Variants in JMJD1C observed in about 807,000 individuals in gnomAD.
The protein encoded by JMJD1C is jumonji domain-containing protein 1C.
In JMJD1C, 31 loss-of-function variants were observed where a neutral mutation model predicts 245.3. That is an observed-to-expected ratio of 0.13 (90% CI 0.09 to 0.17). JMJD1C has a LOEUF of 0.17. Ranked by LOEUF, JMJD1C falls within the 10% of genes least tolerant of loss-of-function variation. The pLI, the probability that JMJD1C is intolerant of heterozygous loss-of-function variation, is 1.00. For synonymous variants in JMJD1C, 1,057 were observed against 1,017.4 expected (o/e 1.04, Z -0.74); for missense variants, 2,691 against 3,000.2 (o/e 0.90, Z 2.41).
intron 1 of JMJD1C, among the ~76,000 whole-genome samples, chr10:63,395,492 C>T (rs1432711833): frequency 1.3e-5 from 2 of 151,950 alleles, no homozygotes; most frequent in Non-Finnish European, 2.9e-5. Flanking sequence ...AAAAGAATGA[C>T]TAAAATTTTT....
intron 1 of JMJD1C, among the ~76,000 whole-genome samples, chr10:63,513,322 G>T (rs1189322653): frequency 1.3e-5 from 2 of 152,118 alleles, no homozygotes; most frequent in South Asian, 2.1e-4. Flanking sequence ...ATGGATTTAA[G>T]ACTTCAATGT....
At chr10:63,435,733 C>T (rs1258571767) in intron 1 of JMJD1C, among the ~76,000 whole-genome samples, 1 of 152,138 alleles carries the variant, frequency 6.6e-6, no homozygotes, top group Non-Finnish European at 1.5e-5. Context: ...AACACCATCT[C>T]TATTAAAAGT....
At chr10:63,466,871 T>A (rs1056533575), upstream of JMJD1C, among the ~76,000 whole-genome samples, 4 of 152,222 alleles carry the variant, frequency 2.6e-5, no homozygotes, top group African/African-American at 9.6e-5. Flanking sequence ...TCTTCTTTGA[T>A]CAACTTATTT....
chr10:63,492,872 TAC>T (rs1373382508), intron 1 of JMJD1C, among the ~76,000 whole-genome samples: 1 of 152,174 alleles, frequency 6.6e-6, no homozygotes, highest in Non-Finnish European at 1.5e-5. Flanking sequence ...AATAACCCAC[TAC>T]AGTTTTGTCT....
intron 3 of JMJD1C, among the ~76,000 whole-genome samples, chr10:63,254,496 A>T (rs915038666): frequency 1.3e-5 from 2 of 152,218 alleles, no homozygotes; most frequent in African/African-American, 2.4e-5. Flanking sequence ...TGGCTCACAA[A>T]GGCAGGCAGT....
At chr10:63,243,663 A>C (rs1851804285) in intron 3 of JMJD1C, among the ~76,000 whole-genome samples, 1 of 152,140 alleles carries the variant, frequency 6.6e-6, no homozygotes, top group Non-Finnish European at 1.5e-5. Context: ...ATTGATAAAA[A>C]ATACAAGTAC....
At chr10:63,299,306 C>T (rs1205793133) in intron 2 of JMJD1C, among the ~76,000 whole-genome samples, 1 of 151,934 alleles carries the variant, frequency 6.6e-6, no homozygotes, top group Non-Finnish European at 1.5e-5. Flanking sequence ...CTCAAGACTC[C>T]CAAGCATCTG....
intron 3 of JMJD1C, among the ~76,000 whole-genome samples, chr10:63,263,933 GAAAAAA>G (rs1225176795): frequency 3.2e-5 from 2 of 62,734 alleles, no homozygotes; most frequent in East Asian, 4.2e-4. Flanking sequence ...CTCCATCACG[GAAAAAA>G]AAAAAAAAAA....
At chr10:63,433,894 T>C (rs1287144228) in intron 1 of JMJD1C, among the ~76,000 whole-genome samples, 1 of 147,178 alleles carries the variant, frequency 6.8e-6, no homozygotes, top group Admixed American at 6.8e-5. Flanking sequence ...ACGATATAAA[T>C]TGAGTTCCAA....
At chr10:63,313,046 C>T (rs1939442482) in intron 2 of JMJD1C, among the ~76,000 whole-genome samples, 1 of 152,160 alleles carries the variant, frequency 6.6e-6, no homozygotes, top group African/African-American at 2.4e-5. Flanking sequence ...GCACTCACTA[C>T]ATGAGCAGCA....
intron 2 of JMJD1C, among the ~76,000 whole-genome samples, chr10:63,367,116 C>T (rs1200724061): frequency 6.6e-6 from 1 of 152,098 alleles, no homozygotes; most frequent in Non-Finnish European, 1.5e-5. Flanking sequence ...AATATTGAAG[C>T]CAAAACAAAG....
intron 1 of JMJD1C, among the ~76,000 whole-genome samples, chr10:63,407,011 A>C (rs1448834168): frequency 2.6e-5 from 4 of 152,182 alleles, no homozygotes; most frequent in Non-Finnish European, 5.9e-5. Context: ...AAAAAAAAAG[A>C]AGCTTAATCT....
chr10:63,251,782 G>A (rs1251426553), intron 3 of JMJD1C, among the ~76,000 whole-genome samples: 4 of 152,204 alleles, frequency 2.6e-5, no homozygotes, highest in Admixed American at 6.5e-5. Flanking sequence ...GGGTGGCTGA[G>A]GTGGGCGGAT....
At chr10:63,430,959 T>G (rs763134353) in intron 1 of JMJD1C, among the ~76,000 whole-genome samples, 2 of 152,258 alleles carry the variant, frequency 1.3e-5, no homozygotes, top group African/African-American at 4.8e-5. Flanking sequence ...CCTGGGTTCA[T>G]GCAATCCTCC....
In JMJD1C at chr10:63,295,723, C is replaced by T. The variant is rs7922069; in HGVS notation, c.334-30959G>A. ...TGATTCTTGTTATGCATGGTAGTTA[C>T]GCTCTGTAAAGCCCCTTTAAACAAT... On this transcript the variant is annotated intron_variant, in intron 2 of 25. Transcript: ENST00000399262. 2.6e-3 allele frequency among the ~76,000 whole-genome samples: 402 copies of T among 152,026 alleles called. 2 individuals carry two copies. The highest frequency in any genetic ancestry group is 9.1e-3 in the African/African-American group (376 of 41,492).
At chr10:63,413,680 G>C (rs1330743779) in intron 1 of JMJD1C, among the ~76,000 whole-genome samples, 1 of 152,060 alleles carries the variant, frequency 6.6e-6, no homozygotes, top group East Asian at 1.9e-4. Flanking sequence ...TCCTTGATAA[G>C]AAATACTAGA....
chr10:63,234,872 T>C (rs1850534545), intron 3 of JMJD1C, among the ~76,000 whole-genome samples: 1 of 152,284 alleles, frequency 6.6e-6, no homozygotes, highest in Admixed American at 6.5e-5. Flanking sequence ...AAACCTTTGC[T>C]AGTCATAAAA....
intron 24 of JMJD1C, among the ~76,000 whole-genome samples, chr10:63,170,916 A>C (rs1842288663): frequency 6.6e-6 from 1 of 152,216 alleles, no homozygotes; most frequent in Non-Finnish European, 1.5e-5. Context: ...CTTGCCTAAA[A>C]GCATCAGTTA....
At chr10:63,284,903 ACACATT>A (rs1185705765) in intron 2 of JMJD1C, among the ~76,000 whole-genome samples, 1 of 80,818 alleles carries the variant, frequency 1.2e-5, no homozygotes, top group East Asian at 4.2e-4. Flanking sequence ...ACACACACAC[ACACATT>A]CTCTCTACTC....
Sources: allele counts gnomAD v4.1 joint callset (sites outside exome capture counted in the v4.1 genomes callset), GRCh38; gene constraint gnomAD v4.1.1; transcripts MANE v1.5; gene names NCBI Gene and HGNC (gene_info 2026-07-23, HGNC 2026-07-21).